The following COCH variants were observed in gnomAD, a reference collection of about 807,000 sequenced individuals.
The protein encoded by COCH is cochlin, also known as coagulation factor C homolog, cochlin (Limulus polyphemus).
Under a neutral mutation model 54.8 loss-of-function variants are expected in COCH, and 40 were observed. That is an observed-to-expected ratio of 0.73 (90% CI 0.57 to 0.95). The LOEUF (loss-of-function observed/expected upper bound fraction) is 0.95. Among genes scored for constraint, COCH ranks in the 40% least tolerant of loss-of-function variants. COCH has a pLI of 0.00. For synonymous variants in COCH, 256 were observed against 237.9 expected (o/e 1.08, Z -0.70); for missense variants, 605 against 675.0 (o/e 0.90, Z 1.15).
chr14:30,885,047 A>C (rs1469032690), intron 9 of COCH: 1 of 1,595,860 alleles, frequency 6.3e-7, no homozygotes, highest in Non-Finnish European at 8.5e-7. Context: ...TAGAGGTACT[A>C]ATCAGTCACC....
chr14:30,880,510 T>C lies in COCH; in HGVS notation c.481+14T>C. 6.2e-7 allele frequency: 1 copy of C among 1,614,076 alleles called. No homozygotes were observed. The highest frequency in any genetic ancestry group is 1.6e-4 in the Middle Eastern group (1 of 6,062). On this transcript the variant is annotated intron_variant, in intron 7 of 11. Transcript: ENST00000396618. ...CTGGCAATAAAGGTAAGAATCAAGATCTCCATTTGGGAAGGTAGCATTTTC... is the reference window on the plus strand; with the variant it reads ...CTGGCAATAAAGGTAAGAATCAAGACCTCCATTTGGGAAGGTAGCATTTTC...
In COCH at chr14:30,877,415, A is replaced by G; in HGVS notation, c.83-157A>G. On this transcript the variant is annotated intron_variant, in intron 3 of 11. Transcript: ENST00000396618. The surrounding 1 kb of genome is among the most constrained non-coding windows in gnomAD (Gnocchi z 8.6). ...TGGAAAACAACCTTGTGGCTTGCCAAAATCTGGAATGGTATGGAAGGGTAT... is the reference window on the plus strand; with the variant it reads ...TGGAAAACAACCTTGTGGCTTGCCAGAATCTGGAATGGTATGGAAGGGTAT... 1 of 915,518 alleles carries G rather than the reference A, an allele frequency of 1.1e-6. No individual in the cohort carries two copies. Among genetic ancestry groups the G allele is most frequent in the South Asian group, 1.7e-5 (1 of 58,880 alleles). 56.7% of individuals were successfully genotyped at this position (915,518 alleles called of 1,614,324 possible).
chr14:30,878,369 G>A (rs1895445952), intron 4 of COCH, among the ~76,000 whole-genome samples: 2 of 152,166 alleles, frequency 1.3e-5, no homozygotes, highest in Non-Finnish European at 2.9e-5. Flanking sequence ...GTTTTTAAAA[G>A]GCTAGCAGCA....
At chr14:30,881,522 A>G (rs1042254811) in intron 8 of COCH, among the ~76,000 whole-genome samples, 1 of 152,316 alleles carries the variant, frequency 6.6e-6, no homozygotes, top group East Asian at 1.9e-4. Flanking sequence ...ACTCTGCTCA[A>G]TTCCTAATTT....
At chr14:30,887,221 C>T (rs1895819659) in intron 11 of COCH, among the ~76,000 whole-genome samples, 1 of 151,896 alleles carries the variant, frequency 6.6e-6, no homozygotes, top group South Asian at 2.1e-4. Flanking sequence ...TGGTAAAACC[C>T]AGTCTCTATT....
intron 6 of COCH, among the ~76,000 whole-genome samples, chr14:30,880,104 T>C (rs371487281): frequency 6.3e-4 from 96 of 152,366 alleles, no homozygotes; most frequent in African/African-American, 2.3e-3. Flanking sequence ...AAAAGGAATG[T>C]GTGTCTATTG....
intron 7 of COCH, 25 bp downstream of exon 7, chr14:30,880,521 G>GA (rs1475532069): frequency 6.2e-7 from 1 of 1,614,118 alleles, no homozygotes; most frequent in South Asian, 1.1e-5. Context: ...CTCCATTTGG[G>GA]AAGGTAGCAT....
chr14:30,895,072 A>AAAAAAAAAGAAGAAGAAGAAGAG, downstream of COCH: 1 of 219,670 alleles, frequency 4.6e-6, no homozygotes, highest in Non-Finnish European at 8.1e-6. Flanking sequence ...AAAAAAAAAA[A>AAAAAAAAAGAAGAAGAAGAAGAG]AAAAAAAGAA....
chr14:30,884,748 G>C, intron 9 of COCH, 92 bp downstream of exon 9: 1 of 1,282,392 alleles, frequency 7.8e-7, no homozygotes, highest in Non-Finnish European at 1.1e-6. Flanking sequence ...TATATGAGCA[G>C]ATGTGAAATC....
intron 3 of COCH, chr14:30,875,320 G>A: frequency 1.5e-6 from 1 of 653,466 alleles, no homozygotes; most frequent in Non-Finnish European, 2.6e-6. Flanking sequence ...CTGGGGTCCA[G>A]TGGGGGGACG....
At chr14:30,887,668 C>T (rs1391201672) in intron 11 of COCH, among the ~76,000 whole-genome samples, 2 of 152,078 alleles carry the variant, frequency 1.3e-5, no homozygotes, top group African/African-American at 2.4e-5. Flanking sequence ...CTCTTCTGTA[C>T]CTCATTTTCC....
intron 11 of COCH, among the ~76,000 whole-genome samples, chr14:30,887,153 G>C (rs1895817457): frequency 6.6e-6 from 1 of 152,144 alleles, no homozygotes; most frequent in African/African-American, 2.4e-5. Context: ...AGCACTTTGG[G>C]AGGCTGAGGT....
chr14:30,880,606 A>G lies in COCH; in HGVS notation c.501A>G (p.Ala167=). 1 of 1,614,146 alleles carries G rather than the reference A, an allele frequency of 6.2e-7. No individual in the cohort carries two copies. Among genetic ancestry groups the G allele is most frequent in the South Asian group, 1.1e-5 (1 of 91,080 alleles). Residue 167 remains alanine, a synonymous_variant, in exon 8 of 12, where the codon GCA becomes GCG. Transcript: ENST00000396618. ...TCGCAGATTGTAAAGCAGACATTGC[A>G]TTTCTGATTGATGGAAGCTTTAATA... ...TGNKDCKADI[A]FLIDGSFNIG...
At position 30,879,461 on chromosome 14, in the gene COCH, G is replaced by A; in HGVS notation, c.412G>A (p.Val138Met). The part of the protein sequence containing the change: ...SSTQEATGQA[V>M]STAHPPTGKR... ...TACACAGGAGGCCACAGGACAAGCA[G>A]TGTCCACAGCACATCCACCAACAGG... The change falls in exon 6 of 12, where the codon GTG becomes ATG. Residue 138 changes from valine to methionine, a missense_variant. Physicochemically the swap from Val to Met is conservative, Grantham distance 21. Coordinates refer to ENST00000396618, the MANE Select transcript of COCH (RefSeq NM_004086.3). The A allele has an allele frequency of 6.2e-7, 1 of 1,614,104 alleles. No homozygotes were observed. Among genetic ancestry groups the A allele is most frequent in the Non-Finnish European group, 8.5e-7 (1 of 1,179,986 alleles).
rs1313916518 is a variant in COCH, at chr14:30,889,866, AT to A, written c.*76del. The A allele has an allele frequency of 3.9e-5, 59 of 1,529,814 alleles. No individual in the cohort carries two copies. Among genetic ancestry groups the A allele is most frequent in the Non-Finnish European group, 3.1e-5 (35 of 1,138,388 alleles). The allele number at this position is 1,529,814 out of a possible 1,614,324, so 94.8% of individuals were successfully genotyped here. ...TAAATTGTATTCTCATAATACTGAAATGCTTTAGCATACTAGAATCAGATAC... is the reference window on the plus strand; with the variant it reads ...TAAATTGTATTCTCATAATACTGAAAGCTTTAGCATACTAGAATCAGATAC... On this transcript the variant is annotated 3_prime_UTR_variant, in exon 12 of 12. Coordinates refer to ENST00000396618, the MANE Select transcript of COCH (RefSeq NM_004086.3).
chr14:30,885,242 C>G, intron 9 of COCH, 152 bp from the exon 10 acceptor site: 1 of 935,262 alleles, frequency 1.1e-6, no homozygotes. Context: ...TGTTACAGAA[C>G]TGGGTTCTAT....
intron 3 of COCH, chr14:30,875,595 A>C: frequency 2.4e-6 from 1 of 408,286 alleles, no homozygotes; most frequent in East Asian, 4.0e-5. Flanking sequence ...TCTAGGTGTA[A>C]CCCCTATAAT....
intron 3 of COCH, chr14:30,875,509 G>A (rs751448545): frequency 3.6e-5 from 18 of 501,862 alleles, no homozygotes; most frequent in Non-Finnish European, 6.2e-5. Context: ...GCCCAGACCC[G>A]ACTTCAGGTT....
At chr14:30,882,120 G>GTTTTTTTTTTGTTTGTTTGTTTT (rs1895618905) in intron 8 of COCH, among the ~76,000 whole-genome samples, 11 of 67,890 alleles carry the variant, frequency 1.6e-4, no homozygotes, top group African/African-American at 6.6e-4. Context: ...CTATAAAATG[G>GTTTTTTTTTTGTTTGTTTGTTTT]TTTTTTTTTT....
Sources: allele counts gnomAD v4.1 joint callset (sites outside exome capture counted in the v4.1 genomes callset), GRCh38; gene constraint gnomAD v4.1.1; non-coding constraint Gnocchi (gnomAD v3.1); transcripts MANE v1.5; gene names NCBI Gene and HGNC (gene_info 2026-07-23, HGNC 2026-07-21).